Variants in FAAH observed in about 807,000 individuals in gnomAD.
FAAH encodes fatty-acid amide hydrolase 1.
Under a neutral mutation model 69.7 loss-of-function variants are expected in FAAH, and 63 were observed. The observed-to-expected ratio is 0.90, with a 90% CI of 0.74 to 1.12. The LOEUF is 1.12. Among genes scored for constraint, FAAH ranks in the 50% most tolerant of loss-of-function variants. FAAH has a pLI of 0.00. For missense variants in FAAH, 680 were observed against 755.0 expected, an observed-to-expected ratio of 0.90 and a Z score of 1.16; for synonymous variants, 305 against 324.2, an observed-to-expected ratio of 0.94 and a Z score of 0.64.
At chr1:46,394,920 C>G (rs748855191) in intron 1 of FAAH, among the ~76,000 whole-genome samples, 5 of 151,002 alleles carry the variant, frequency 3.3e-5, no homozygotes, top group Non-Finnish European at 7.4e-5. Context: ...ATCTGGAGAG[C>G]TTAGAGTTTT....
chr1:46,395,257 A>G (rs534120697), intron 1 of FAAH, among the ~76,000 whole-genome samples: 6 of 152,218 alleles, frequency 3.9e-5, no homozygotes, highest in Non-Finnish European at 7.3e-5. Context: ...TGATTTGTGC[A>G]TTTGGATCCT....
At chr1:46,398,644 C>T (rs917644661) in intron 1 of FAAH, among the ~76,000 whole-genome samples, 4 of 152,074 alleles carry the variant, frequency 2.6e-5, no homozygotes, top group Non-Finnish European at 5.9e-5. Context: ...AGTGATTCTC[C>T]TGCCTCAGCC....
At chr1:46,402,034 C>A in intron 1 of FAAH, 57 bp from the exon 2 acceptor site, 1 of 1,440,010 alleles carries the variant, frequency 6.9e-7, no homozygotes, top group Non-Finnish European at 9.6e-7. Flanking sequence ...CTGGTGTCTG[C>A]TGCAGGCCCA....
At chr1:46,413,419 C>G in intron 14 of FAAH, 28 bp from the exon 15 acceptor site, 1 of 1,613,996 alleles carries the variant, frequency 6.2e-7, no homozygotes, top group Non-Finnish European at 8.5e-7. Context: ...CCTTGCTAAC[C>G]CTATCCTGAT....
chr1:46,413,555 C>A lies in FAAH; in HGVS notation c.1720C>A (p.Pro574Thr). The A allele has an allele frequency of 6.2e-7, 1 of 1,614,032 alleles. No individual in the cohort carries two copies. The highest frequency in any genetic ancestry group is 8.5e-7 in the Non-Finnish European group (1 of 1,179,980). The change falls in exon 15 of 15, where the codon CCT becomes ACT. Residue 574 changes from proline (P) to threonine (T), a missense_variant. Pro to Thr is a conservative substitution (Grantham distance 38, BLOSUM62 -1). Coordinates refer to ENST00000243167, the MANE Select transcript of FAAH (RefSeq NM_001441.3). The part of the protein sequence containing the change: ...FMREVERLMT[P>T]EKQSS ...GCGGGAGGTGGAGCGACTGATGACC[C>A]CTGAAAAGCAGTCATCCTGATGGCT...
Position 46,402,207 on chromosome 1 carries a change from A to G in FAAH, c.309+3A>G. ...TGCTCTTCACCTATGTGGGAAAGGT[A>G]AGGCCAGCCAAGGCCAGCCCCTCCC... On this transcript the variant is annotated splice_donor_region_variant and intron_variant, in intron 2 of 14. Coordinates refer to ENST00000243167, the MANE Select transcript of FAAH (RefSeq NM_001441.3). 6.4e-7 allele frequency: 1 copy of G among 1,568,544 alleles called. No homozygotes were observed. The highest frequency in any genetic ancestry group is 2.4e-5 in the East Asian group (1 of 41,348).
In FAAH at chr1:46,410,458, A is replaced by G. The variant is rs200250388; in HGVS notation, c.1236A>G (p.Gln412=). Residue 412 remains glutamine (Q), a synonymous_variant, in exon 10 of 15, where the codon CAA becomes CAG. Coordinates refer to ENST00000243167, the MANE Select transcript of FAAH (RefSeq NM_001441.3). The surrounding 1 kb of genome is among the most constrained non-coding windows in gnomAD (Gnocchi z 4.9). ...TGGTCTCAATTCTGAAGCTTCCCCA[A>G]TGGCTTAAAGGACTGCTGGCCTTCC... ...GDLVSILKLP[Q]WLKGLLAFLV... is the part of the protein sequence containing the mutation. 24 of 1,614,062 alleles carry G rather than the reference A, an allele frequency of 1.5e-5. No individual in the cohort carries two copies. The highest frequency in any genetic ancestry group is 4.0e-5 in the African/African-American group (3 of 74,994).
In FAAH at chr1:46,413,091, T is replaced by C. The variant is rs1664945728; in HGVS notation, c.1482T>C (p.Thr494=). ...GTGTTCCAGGGGCCGTCAGCTACAC[T>C]ATGCTGTACAACTGCCTGGACTTCC... The part of the protein sequence containing the change: ...PGRATGAVSY[T]MLYNCLDFPA... Residue 494 remains threonine (T), a synonymous_variant, in exon 14 of 15, where the codon ACT becomes ACC. Transcript: ENST00000243167. 2 of 1,614,146 alleles carry C rather than the reference T, an allele frequency of 1.2e-6. No individual in the cohort carries two copies. The highest frequency in any genetic ancestry group is 1.7e-6 in the Non-Finnish European group (2 of 1,180,004).
Position 46,411,691 on chromosome 1 carries a change from G to C in FAAH, c.1356+40G>C. 6 of 1,611,472 alleles carry C rather than the reference G, an allele frequency of 3.7e-6. No individual in the cohort carries two copies. The highest frequency in any genetic ancestry group is 5.1e-6 in the Non-Finnish European group (6 of 1,178,124). ...TCTGGATTGGAGCAGGGTGGTGGGG[G>C]GAGGGTGGAGTTGGACAGGGTACCC... On this transcript the variant is annotated intron_variant, in intron 12 of 14. Coordinates refer to ENST00000243167, the MANE Select transcript of FAAH (RefSeq NM_001441.3). The surrounding 1 kb of genome is among the most constrained non-coding windows in gnomAD (Gnocchi z 4.8).
intron 1 of FAAH, among the ~76,000 whole-genome samples, chr1:46,400,679 T>C (rs1015140029): frequency 6.8e-6 from 1 of 146,552 alleles, no homozygotes; most frequent in African/African-American, 2.6e-5. Context: ...ACAGGGAAGG[T>C]GGACAGGTGA....
rs923905728 is a variant in FAAH, at chr1:46,411,127, G to A, written c.1316+273G>A. The stretch of plus-strand genomic sequence containing the variant: ...ACCTGGCTGGGGCATGAGTGGAAAG[G>A]ACCAGGAAGTGGGGGTTGGCCTGGG... On this transcript the variant is annotated intron_variant, in intron 11 of 14. Transcript: ENST00000243167. The surrounding 1 kb of genome is among the most constrained non-coding windows in gnomAD (Gnocchi z 4.8). 1.3e-5 allele frequency among the ~76,000 whole-genome samples: 2 copies of A among 152,194 alleles called. No homozygotes were observed. Among genetic ancestry groups the A allele is most frequent in the Non-Finnish European group, 2.9e-5 (2 of 68,018 alleles).
chr1:46,395,974 C>A (rs1664590167), intron 1 of FAAH, among the ~76,000 whole-genome samples: 1 of 151,866 alleles, frequency 6.6e-6, no homozygotes, highest in Admixed American at 6.6e-5. Context: ...ACAGTGGGCC[C>A]AGGGGACCAC....
At chr1:46,406,552 A>C (rs1034923239) in intron 7 of FAAH, among the ~76,000 whole-genome samples, 184 bp downstream of exon 7, 5 of 138,404 alleles carry the variant, frequency 3.6e-5, no homozygotes, top group South Asian at 4.5e-4. Context: ...GGAAATCCTC[A>C]GGCTTTTTTT....
In FAAH at chr1:46,411,280, C is replaced by T. The variant is rs369321576; in HGVS notation, c.1317-332C>T. 3.3e-5 allele frequency among the ~76,000 whole-genome samples: 5 copies of T among 152,324 alleles called. No homozygotes were observed. In the South Asian group the frequency reaches 1.0e-3, roughly 32 times the overall value. ...AGGGCGTAAACCTCCCTGTTTCATG[C>T]CCTGACGTCCCATGGACTCACTCCT... On this transcript the variant is annotated intron_variant, in intron 11 of 14. Coordinates refer to ENST00000243167, the MANE Select transcript of FAAH (RefSeq NM_001441.3). The surrounding 1 kb of genome is among the most constrained non-coding windows in gnomAD (Gnocchi z 4.8).
At position 46,410,731 on chromosome 1, in the gene FAAH, G is replaced by A; in HGVS notation, c.1276-83G>A. On this transcript the variant is annotated intron_variant, in intron 10 of 14. Coordinates refer to ENST00000243167, the MANE Select transcript of FAAH (RefSeq NM_001441.3). This position sits in a 1 kb window ranked among gnomAD's most constrained non-coding sequence, Gnocchi z 4.9. Reference sequence around the variant, plus strand: ...CCTGGGGGGAGGCATGGAGGGAGGGGTCCCCAGTGGCTTGGCCTGAAGAAG... The same window carrying A: ...CCTGGGGGGAGGCATGGAGGGAGGGATCCCCAGTGGCTTGGCCTGAAGAAG... 6.4e-7 allele frequency: 1 copy of A among 1,562,358 alleles called. No individual in the cohort carries two copies. The highest frequency in any genetic ancestry group is 8.8e-7 in the Non-Finnish European group (1 of 1,132,848).
intron 2 of FAAH, among the ~76,000 whole-genome samples, chr1:46,403,683 C>T (rs1664743539): frequency 6.6e-6 from 1 of 152,252 alleles, no homozygotes; most frequent in Non-Finnish European, 1.5e-5. Flanking sequence ...CACGGGCTCC[C>T]CTGGCTGAGC....
rs1398514649 is a variant in FAAH at position 46,394,659 on chromosome 1, C to T, written c.195+116C>T. On this transcript the variant is annotated intron_variant, in intron 1 of 14. Coordinates refer to ENST00000243167, the MANE Select transcript of FAAH (RefSeq NM_001441.3). ...GGGCGGGCAGAGCAGATGTGTAACT[C>T]TCCAGAATCTCTCCTTGCCCTAAGA... The T allele has an allele frequency of 8.1e-6, 7 of 867,834 alleles. No homozygotes were observed. The East Asian group carries it at 2.4e-4, about 30-fold the overall frequency. The allele number at this position is 867,834 out of a possible 1,614,324, so 53.8% of individuals were successfully genotyped here. A position where few individuals can be genotyped will look rare whatever the true frequency, so the allele number is the denominator to read the frequency against.
At chr1:46,408,681 C>T in intron 8 of FAAH, 97 bp downstream of exon 8, 3 of 1,584,726 alleles carry the variant, frequency 1.9e-6, no homozygotes, top group Non-Finnish European at 2.6e-6. Flanking sequence ...TCCTGGCACT[C>T]TGACGATGTT....
At chr1:46,398,304 T>C (rs1664635508) in intron 1 of FAAH, among the ~76,000 whole-genome samples, 1 of 152,134 alleles carries the variant, frequency 6.6e-6, no homozygotes, top group South Asian at 2.1e-4. Flanking sequence ...TCTCCTCCCT[T>C]CTGCCTACAA....
Sources: allele counts gnomAD v4.1 joint callset (sites outside exome capture counted in the v4.1 genomes callset), GRCh38; gene constraint gnomAD v4.1.1; non-coding constraint Gnocchi (gnomAD v3.1); transcripts MANE v1.5; gene names NCBI Gene and HGNC (gene_info 2026-07-23, HGNC 2026-07-21).